CCDC171: variants seen among roughly 807,000 people sequenced by gnomAD.
CCDC171 encodes the protein coiled-coil domain containing 171.
CCDC171 carries 177 observed loss-of-function variants against 168.2 expected under a neutral mutation model. The observed-to-expected ratio is 1.05, with a 90% CI of 0.93 to 1.19. The LOEUF (loss-of-function observed/expected upper bound fraction) is 1.19, where lower values mean the gene tolerates loss of function less well. Ranked by LOEUF, CCDC171 falls within the 50% of genes most tolerant of loss-of-function variation. CCDC171 has a pLI of 0.00. For synonymous variants in CCDC171, 687 were observed against 540.8 expected (o/e 1.27, Z -3.75); for missense variants, 1,991 against 1,539.0 (o/e 1.29, Z -4.91).
chr9:15,875,968 C>T (rs956463596), intron 24 of CCDC171: 18 of 151,972 alleles, frequency 1.2e-4, no homozygotes, highest in African/African-American at 4.3e-4. Context: ...TGAATACAGT[C>T]TGATTTGAGA....
At chr9:15,773,382 G>T (rs1281271003) in intron 18 of CCDC171, among the ~76,000 whole-genome samples, 1 of 152,124 alleles carries the variant, frequency 6.6e-6, no homozygotes, top group Non-Finnish European at 1.5e-5. Flanking sequence ...ATCAAGATCT[G>T]CAGCCCACAG....
chr9:15,950,149 T>G (rs1355357844), intron 25 of CCDC171, among the ~76,000 whole-genome samples: 2 of 152,110 alleles, frequency 1.3e-5, no homozygotes, highest in African/African-American at 2.4e-5. Flanking sequence ...CTACGTCTGA[T>G]TGGTGTACCT....
intron 7 of CCDC171, among the ~76,000 whole-genome samples, chr9:15,625,333 T>G (rs1564077208): frequency 6.6e-6 from 1 of 152,374 alleles, no homozygotes; most frequent in Non-Finnish European, 1.5e-5. Flanking sequence ...AGATCTCATT[T>G]GTCAATTTTG....
intron 3 of CCDC171, among the ~76,000 whole-genome samples, chr9:15,998,003 T>C (rs987086617): frequency 6.6e-6 from 1 of 152,202 alleles, no homozygotes; most frequent in Non-Finnish European, 1.5e-5. Context: ...CCATGGTAGC[T>C]GTAGCTTGTA....
chr9:16,018,189 A>G (rs1833078102), intron 3 of CCDC171, among the ~76,000 whole-genome samples: 1 of 152,180 alleles, frequency 6.6e-6, no homozygotes, highest in Non-Finnish European at 1.5e-5. Flanking sequence ...AGCCTATTAG[A>G]TGAATTGTCA....
chr9:15,777,574 G>C (rs757954600), intron 18 of CCDC171, 26 bp from the exon 19 acceptor site: 13 of 1,417,356 alleles, frequency 9.2e-6, no homozygotes, highest in Non-Finnish European at 1.3e-5. Flanking sequence ...TCACATTTTT[G>C]TGCCTTTTTT....
Position 16,008,507 on chromosome 9 carries a change from A to G in CCDC171, n.369-12082A>G, listed in dbSNP as rs575519744. On this transcript the variant is annotated intron_variant and non_coding_transcript_variant, in intron 3 of 9. Coordinates refer to the CCDC171 transcript ENST00000486641. ...ATGCGTCCAGAAATGTTTTTTTCCA[A>G]CTGTTTCCCAAGTCTTTCTGAGAGT... 3.9e-5 allele frequency among the ~76,000 whole-genome samples: 6 copies of G among 152,180 alleles called. No homozygotes were observed. In the East Asian group the frequency reaches 9.7e-4, roughly 24 times the overall value.
chr9:15,825,553 G>A (rs1225921705), intron 21 of CCDC171, among the ~76,000 whole-genome samples: 2 of 152,156 alleles, frequency 1.3e-5, no homozygotes, highest in Non-Finnish European at 2.9e-5. Context: ...TTTGGAGTCA[G>A]AACTTGAAGT....
At chr9:15,800,821 T>C in intron 21 of CCDC171, among the ~76,000 whole-genome samples, 1 of 152,158 alleles carries the variant, frequency 6.6e-6, no homozygotes. Flanking sequence ...AGTTTCATTC[T>C]TCTGCATATG....
the CCDC171 span, among the ~76,000 whole-genome samples, chr9:16,104,727 A>G: frequency 5.7e-5 from 8 of 139,332 alleles, no homozygotes; most frequent in South Asian, 1.6e-3. Flanking sequence ...TAATCATATC[A>G]TTCATTGCTT....
At chr9:15,868,759 G>C (rs1313738567) in intron 23 of CCDC171, among the ~76,000 whole-genome samples, 1 of 151,890 alleles carries the variant, frequency 6.6e-6, no homozygotes, top group Non-Finnish European at 1.5e-5. Context: ...GGCGCTAAGA[G>C]CACTAGACTT....
chr9:15,861,664 T>G (rs1020917399), intron 23 of CCDC171, among the ~76,000 whole-genome samples: 6 of 148,404 alleles, frequency 4.0e-5, no homozygotes, highest in Non-Finnish European at 6.0e-5. Context: ...ATTTTGTCGT[T>G]GATGTCACAA....
chr9:15,727,467 G>T (rs905237593), intron 14 of CCDC171, among the ~76,000 whole-genome samples: 3 of 152,136 alleles, frequency 2.0e-5, no homozygotes, highest in African/African-American at 7.2e-5. Context: ...TTTGGCAAAT[G>T]TAACTATTAA....
Position 15,903,058 on chromosome 9 carries a change from C to T in CCDC171, c.3601-17212C>T, listed in dbSNP as rs553960823. Among the ~76,000 whole-genome samples the T allele has an allele frequency of 2.3e-4, 35 of 152,276 alleles. 1 individual carries two copies. In the South Asian group the frequency reaches 6.2e-3, roughly 27 times the overall value. ...GAAGCTCGAACTGGGTGGAGCCCACCGCAGCTCAAGGAAGCGTGCCTGCCT... is the reference window on the plus strand; with the variant it reads ...GAAGCTCGAACTGGGTGGAGCCCACTGCAGCTCAAGGAAGCGTGCCTGCCT... On this transcript the variant is annotated intron_variant, in intron 24 of 25. Transcript: ENST00000380701.
At chr9:15,899,126 A>C (rs1821301834) in intron 24 of CCDC171, among the ~76,000 whole-genome samples, 1 of 152,070 alleles carries the variant, frequency 6.6e-6, no homozygotes, top group Non-Finnish European at 1.5e-5. Flanking sequence ...GATCCATCCA[A>C]GTTTTTGCAT....
At chr9:15,627,853 G>C (rs1349366723) in intron 7 of CCDC171, among the ~76,000 whole-genome samples, 1 of 152,184 alleles carries the variant, frequency 6.6e-6, no homozygotes, top group East Asian at 1.9e-4. Context: ...GCAGAGCTGA[G>C]TTCAATTCCT....
intron 3 of CCDC171, among the ~76,000 whole-genome samples, chr9:16,011,309 T>C (rs895840212): frequency 1.3e-5 from 2 of 152,172 alleles, no homozygotes; most frequent in African/African-American, 4.8e-5. Flanking sequence ...CTATCCTGTT[T>C]ATGCTGCCAT....
intron 24 of CCDC171, among the ~76,000 whole-genome samples, chr9:15,882,101 T>G (rs1818728584): frequency 6.6e-6 from 1 of 152,216 alleles, no homozygotes. Flanking sequence ...TTTACTGGCA[T>G]CCATTATTGC....
Position 16,017,302 on chromosome 9 carries a change from G to A in CCDC171, n.369-3287G>A, listed in dbSNP as rs1328679290. On this transcript the variant is annotated intron_variant and non_coding_transcript_variant, in intron 3 of 9. Coordinates refer to the CCDC171 transcript ENST00000486641. Reference sequence around the variant, plus strand: ...GTATTGTCATTATTTTTTTCAAACTGCACAAAAAAATACCATTTTGATTTA... The same window carrying A: ...GTATTGTCATTATTTTTTTCAAACTACACAAAAAAATACCATTTTGATTTA... Among the ~76,000 whole-genome samples, 7 of 145,764 alleles carry A rather than the reference G, an allele frequency of 4.8e-5. No individual in the cohort carries two copies. The Admixed American group carries it at 4.8e-4, about 10-fold the overall frequency.
Sources: gnomAD v4.1 joint callset for allele counts (sites outside exome capture counted in the v4.1 genomes callset) on GRCh38, gnomAD v4.1.1 for gene constraint, MANE v1.5 for transcripts, NCBI Gene and HGNC (gene_info 2026-07-23, HGNC 2026-07-21) for gene names.